Variants in SDK1 observed in about 807,000 individuals in gnomAD.
SDK1 encodes the protein sidekick cell adhesion molecule 1, also known as protein sidekick-1.
In SDK1, 157 loss-of-function variants were observed where a neutral mutation model predicts 245.5. That is an observed-to-expected ratio of 0.64 (90% CI 0.56 to 0.73). The LOEUF (loss-of-function observed/expected upper bound fraction) is 0.73, where lower values mean the gene tolerates loss of function less well. Ranked by LOEUF, SDK1 falls within the 30% of genes least tolerant of loss-of-function variation. The probability of loss-of-function intolerance (pLI) is 0.00; values close to 1 mark genes in which losing one functional copy is unlikely to be tolerated. For missense variants in SDK1, 3,583 were observed against 3,002.3 expected (o/e 1.19, Z -4.52); for synonymous variants, 1,647 against 1,278.5 (o/e 1.29, Z -6.15).
chr7:3,905,629 A>T (rs1197837120), intron 5 of SDK1, among the ~76,000 whole-genome samples: 1 of 151,804 alleles, frequency 6.6e-6, no homozygotes, highest in Non-Finnish European at 1.5e-5. Context: ...TATCAATTCC[A>T]AAGTTTTTTT....
At chr7:4,263,519 C>T in intron 44 of SDK1, among the ~76,000 whole-genome samples, 1 of 98,242 alleles carries the variant, frequency 1.0e-5, no homozygotes, top group Admixed American at 9.2e-5. Context: ...TAGACCTCTC[C>T]TGAGTGGGGA....
Position 4,186,818 on chromosome 7 carries a change from G to A in SDK1, c.5098+8232G>A, listed in dbSNP as rs1011046163. On this transcript the variant is annotated intron_variant, in intron 35 of 44. Coordinates refer to ENST00000404826, the MANE Select transcript of SDK1 (RefSeq NM_152744.4). ...TCTCCTGGGCCCGTATAGACAGTGC[G>A]GGTACAGGCATGGCCCTTCTTTGGG... Among the ~76,000 whole-genome samples the A allele has an allele frequency of 5.3e-5, 8 of 152,278 alleles. 1 individual carries two copies. Among genetic ancestry groups the A allele is most frequent in the African/African-American group, 9.6e-5 (4 of 41,570 alleles).
intron 1 of SDK1, among the ~76,000 whole-genome samples, chr7:3,545,524 T>C (rs1224168542): frequency 2.0e-5 from 3 of 152,242 alleles, no homozygotes; most frequent in African/African-American, 7.2e-5. Flanking sequence ...GCGTGTATTT[T>C]CTTTTCCTAC....
chr7:3,507,855 T>G (rs1002217202), intron 1 of SDK1, among the ~76,000 whole-genome samples: 1 of 152,198 alleles, frequency 6.6e-6, no homozygotes, highest in Non-Finnish European at 1.5e-5. Context: ...GCTTCAGTGT[T>G]GCTTTCATCC....
chr7:3,692,831 C>T (rs963866353), intron 4 of SDK1, among the ~76,000 whole-genome samples: 1 of 151,976 alleles, frequency 6.6e-6, no homozygotes, highest in Non-Finnish European at 1.5e-5. Flanking sequence ...GTATTTGTGT[C>T]GAGTTTACGT....
intron 4 of SDK1, among the ~76,000 whole-genome samples, chr7:3,781,542 G>A (rs145708923): frequency 6.6e-6 from 1 of 152,122 alleles, no homozygotes; most frequent in South Asian, 2.1e-4. Flanking sequence ...CACCTGCAAA[G>A]AAAACTAATA....
At chr7:3,358,148 A>G (rs1780856377) in intron 1 of SDK1, among the ~76,000 whole-genome samples, 1 of 152,004 alleles carries the variant, frequency 6.6e-6, no homozygotes, top group African/African-American at 2.4e-5. Context: ...CAGCTTCCTG[A>G]GTAGCTCAGA....
intron 1 of SDK1, among the ~76,000 whole-genome samples, chr7:3,608,364 A>G (rs921667034): frequency 1.3e-5 from 2 of 152,118 alleles, no homozygotes; most frequent in Admixed American, 6.6e-5. Flanking sequence ...ATGGCACCCC[A>G]TTTTTACTTG....
At chr7:4,204,292 G>T (rs1023859507) in intron 35 of SDK1, among the ~76,000 whole-genome samples, 24 of 152,168 alleles carry the variant, frequency 1.6e-4, no homozygotes, top group African/African-American at 5.6e-4. Flanking sequence ...AGTTTTGATT[G>T]AATTGTTTTT....
intron 32 of SDK1, among the ~76,000 whole-genome samples, chr7:4,168,255 A>G (rs1584351574): frequency 2.0e-5 from 3 of 152,346 alleles, no homozygotes; most frequent in Admixed American, 2.0e-4. Context: ...TCCTGCCAGG[A>G]GCGGATGCAT....
chr7:3,533,519 C>G (rs1222999829), intron 1 of SDK1, among the ~76,000 whole-genome samples: 1 of 152,150 alleles, frequency 6.6e-6, no homozygotes, highest in Non-Finnish European at 1.5e-5. Flanking sequence ...ATATTTTTAT[C>G]AACCGAATAT....
intron 1 of SDK1, among the ~76,000 whole-genome samples, chr7:3,531,138 G>T (rs1020255459): frequency 6.6e-6 from 1 of 152,158 alleles, no homozygotes; most frequent in East Asian, 1.9e-4. Context: ...ACATGTTCCT[G>T]ATTGTCACAC....
At chr7:4,087,125 G>A (rs1584083183) in intron 22 of SDK1, among the ~76,000 whole-genome samples, 4 of 151,824 alleles carry the variant, frequency 2.6e-5, no homozygotes, top group African/African-American at 7.3e-5. Context: ...CCACTTTCAG[G>A]TTCTAAAGGA....
chr7:3,792,893 C>T (rs529236398), intron 4 of SDK1, among the ~76,000 whole-genome samples: 5 of 152,154 alleles, frequency 3.3e-5, no homozygotes, highest in East Asian at 3.9e-4. Context: ...CTAGCACTGG[C>T]GTTTTAACAT....
intron 5 of SDK1, among the ~76,000 whole-genome samples, chr7:3,922,235 C>G (rs1420629426): frequency 6.6e-6 from 1 of 152,182 alleles, no homozygotes; most frequent in Non-Finnish European, 1.5e-5. Context: ...TTCTGGCCAG[C>G]TAAGCTCGGG....
intron 1 of SDK1, among the ~76,000 whole-genome samples, chr7:3,495,671 C>T (rs1243443854): frequency 1.3e-5 from 2 of 152,204 alleles, no homozygotes; most frequent in African/African-American, 2.4e-5. Flanking sequence ...AGACTGTCAC[C>T]AACTACTCCG....
At chr7:3,344,820 C>T (rs1017727785) in intron 1 of SDK1, among the ~76,000 whole-genome samples, 11 of 152,076 alleles carry the variant, frequency 7.2e-5, no homozygotes, top group African/African-American at 2.7e-4. Flanking sequence ...GTTCAGCAGT[C>T]CTAAATTCAG....
intron 22 of SDK1, among the ~76,000 whole-genome samples, chr7:4,087,754 G>A (rs961346158): frequency 2.0e-5 from 3 of 152,108 alleles, no homozygotes; most frequent in African/African-American, 7.2e-5. Context: ...GACAGACCTG[G>A]TTCCCCCCTT....
chr7:3,704,850 G>A (rs1208188038), intron 4 of SDK1, among the ~76,000 whole-genome samples: 1 of 152,112 alleles, frequency 6.6e-6, no homozygotes, highest in Non-Finnish European at 1.5e-5. Context: ...TCACCATCTT[G>A]AGTTGATTTT....
Sources: gnomAD v4.1 joint callset for allele counts (sites outside exome capture counted in the v4.1 genomes callset) on GRCh38, gnomAD v4.1.1 for gene constraint, MANE v1.5 for transcripts, NCBI Gene and HGNC (gene_info 2026-07-23, HGNC 2026-07-21) for gene names.